Variants in CADM2 observed in about 807,000 individuals in gnomAD.
The protein encoded by CADM2 is immunoglobulin superfamily member 4D.
CADM2 carries 12 observed loss-of-function variants against 49.8 expected under a neutral mutation model. The observed-to-expected ratio is 0.24, with a 90% CI of 0.15 to 0.39. The LOEUF (loss-of-function observed/expected upper bound fraction) is 0.39, where lower values mean the gene tolerates loss of function less well. Among genes scored for constraint, CADM2 ranks in the 10% least tolerant of loss-of-function variants. CADM2 has a pLI of 1.00. For missense variants in CADM2, 378 were observed against 492.3 expected (o/e 0.77, Z 2.20); for synonymous variants, 214 against 175.4 (o/e 1.22, Z -1.74).
chr3:85,739,543 G>A (rs570247489), intron 2 of CADM2, among the ~76,000 whole-genome samples: 1 of 151,892 alleles, frequency 6.6e-6, no homozygotes, highest in East Asian at 1.9e-4. Flanking sequence ...TAACTTAAGG[G>A]GAATAATAAT....
At chr3:85,015,018 T>C (rs1272198892) in intron 1 of CADM2, among the ~76,000 whole-genome samples, 1 of 152,098 alleles carries the variant, frequency 6.6e-6, no homozygotes, top group Non-Finnish European at 1.5e-5. Flanking sequence ...TTTCTTTGGT[T>C]TTTGAAAATC....
chr3:85,024,666 CTT>C (rs5850662), intron 1 of CADM2, among the ~76,000 whole-genome samples: 1 of 146,794 alleles, frequency 6.8e-6, no homozygotes, highest in Admixed American at 6.8e-5. Context: ...TATAGTTTTT[CTT>C]TTTTTTTTTA....
intron 1 of CADM2, among the ~76,000 whole-genome samples, chr3:85,565,785 A>G (rs778936571): frequency 9.2e-5 from 14 of 152,122 alleles, no homozygotes; most frequent in Non-Finnish European, 1.9e-4. Context: ...AGTTTTCAGC[A>G]GAGTAGTACA....
chr3:85,429,054 A>G (rs73843604), intron 1 of CADM2, among the ~76,000 whole-genome samples: 2 of 152,152 alleles, frequency 1.3e-5, no homozygotes, highest in South Asian at 2.1e-4. Flanking sequence ...ACAATAACAT[A>G]TTATATGAAT....
chr3:85,539,828 A>G (rs942021456), intron 1 of CADM2, among the ~76,000 whole-genome samples: 1 of 152,126 alleles, frequency 6.6e-6, no homozygotes, highest in African/African-American at 2.4e-5. Flanking sequence ...ATAAATGGAC[A>G]GTGGTGTCGT....
At chr3:85,796,720 A>AT (rs895439957) in intron 2 of CADM2, among the ~76,000 whole-genome samples, 70 of 151,696 alleles carry the variant, frequency 4.6e-4, no homozygotes, top group African/African-American at 1.1e-3. Flanking sequence ...GGGTAATAAG[A>AT]TTTTTTTTTC....
chr3:85,253,901 G>A (rs1394226839), intron 1 of CADM2, among the ~76,000 whole-genome samples: 4 of 151,964 alleles, frequency 2.6e-5, no homozygotes, highest in African/African-American at 9.7e-5. Context: ...ACTACTCAAG[G>A]GAACATTTCT....
At position 85,802,210 on chromosome 3, in the gene CADM2, C is replaced by G. The variant is rs758570763; in HGVS notation, c.238+14C>G. The G allele has an allele frequency of 6.3e-7, 1 of 1,596,706 alleles. No individual in the cohort carries two copies. The highest frequency in any genetic ancestry group is 1.1e-5 in the South Asian group (1 of 88,116). ...ACGACAAGAAAGGTGAATACATTTT[C>G]TTTCAAATGTTTTAATCGTATTCTA... On this transcript the variant is annotated intron_variant, in intron 3 of 9. Transcript: ENST00000383699.
intron 1 of CADM2, among the ~76,000 whole-genome samples, chr3:85,275,417 A>G (rs991653473): frequency 6.6e-6 from 1 of 151,528 alleles, no homozygotes; most frequent in African/African-American, 2.4e-5. Context: ...TTTTGAAATA[A>G]GTGCCCCCAC....
intron 1 of CADM2, among the ~76,000 whole-genome samples, chr3:85,539,140 T>TAAAAAAA (rs140132068): frequency 6.7e-6 from 1 of 148,308 alleles, no homozygotes. Context: ...AGATTTACAT[T>TAAAAAAA]AAAAAAAAAC....
At chr3:85,706,856 AATAATT>A (rs2066966390) in intron 1 of CADM2, among the ~76,000 whole-genome samples, 1 of 152,210 alleles carries the variant, frequency 6.6e-6, no homozygotes, top group Non-Finnish European at 1.5e-5. Flanking sequence ...AAGGGGTTTT[AATAATT>A]GTCCTATCCA....
chr3:85,611,296 G>T (rs190770939), intron 1 of CADM2, among the ~76,000 whole-genome samples: 39 of 151,212 alleles, frequency 2.6e-4, no homozygotes, highest in Admixed American at 2.2e-3. Flanking sequence ...TGATGATGCT[G>T]GTGCTAATGT....
intron 1 of CADM2, among the ~76,000 whole-genome samples, chr3:85,332,163 C>T (rs559254730): frequency 1.3e-5 from 2 of 152,012 alleles, no homozygotes; most frequent in African/African-American, 4.8e-5. Context: ...AAGTCCTAAA[C>T]ATTTGTGACT....
chr3:85,315,205 C>T (rs2044435492), intron 1 of CADM2, among the ~76,000 whole-genome samples: 1 of 152,122 alleles, frequency 6.6e-6, no homozygotes, highest in South Asian at 2.1e-4. Flanking sequence ...AACACTACAA[C>T]CTTGAATTCT....
At chr3:85,814,672 A>G (rs182113172) in intron 3 of CADM2, among the ~76,000 whole-genome samples, 131 of 152,186 alleles carry the variant, frequency 8.6e-4, no homozygotes, top group African/African-American at 3.0e-3. Context: ...ACACAATAAA[A>G]AATGATATAG....
chr3:85,152,806 AGAAAAAAT>A (rs2039969395), intron 1 of CADM2, among the ~76,000 whole-genome samples: 1 of 151,934 alleles, frequency 6.6e-6, no homozygotes, highest in Admixed American at 6.6e-5. Flanking sequence ...AAATACAAAA[AGAAAAAAT>A]ATTTGCCGGG....
At chr3:85,009,209 T>G (rs895794024) in intron 1 of CADM2, among the ~76,000 whole-genome samples, 1 of 152,210 alleles carries the variant, frequency 6.6e-6, no homozygotes, top group African/African-American at 2.4e-5. Context: ...TTGTCTGATA[T>G]TTTAATTCCT....
chr3:85,956,443 AT>A (rs1343374887), intron 7 of CADM2, among the ~76,000 whole-genome samples: 3 of 151,680 alleles, frequency 2.0e-5, no homozygotes, highest in Non-Finnish European at 4.4e-5. Context: ...AATTGGGAAT[AT>A]GTGTAGGCTA....
intron 1 of CADM2, among the ~76,000 whole-genome samples, chr3:85,291,532 C>A (rs1367745220): frequency 6.8e-6 from 1 of 147,150 alleles, no homozygotes; most frequent in Non-Finnish European, 1.5e-5. Context: ...TAAGGGCAGC[C>A]AGAGAGAAAG....
Sources: allele counts gnomAD v4.1 joint callset (sites outside exome capture counted in the v4.1 genomes callset), GRCh38; gene constraint gnomAD v4.1.1; transcripts MANE v1.5; gene names NCBI Gene and HGNC (gene_info 2026-07-23, HGNC 2026-07-21).